The following CADM3 variants were observed in gnomAD, a reference collection of about 807,000 sequenced individuals.
The protein encoded by CADM3 is cell adhesion molecule 3.
Under a neutral mutation model 44.9 loss-of-function variants are expected in CADM3, and 11 were observed. The ratio of observed to expected loss-of-function variants is 0.25; its 90% confidence interval spans 0.15 to 0.41. CADM3 has a LOEUF of 0.41. CADM3 is among the 10% of genes least tolerant of loss of function. The pLI, the probability that CADM3 is intolerant of heterozygous loss-of-function variation, is 1.00. For synonymous variants in CADM3, 207 were observed against 205.2 expected, an observed-to-expected ratio of 1.01 and a Z score of -0.08; for missense variants, 426 against 512.0, an observed-to-expected ratio of 0.83 and a Z score of 1.62.
chr1:159,203,176 T>C lies in CADM3; in HGVS notation c.*2254T>C, dbSNP rs1650305014. The C allele has an allele frequency of 1.3e-5, 2 of 152,704 alleles. No individual in the cohort carries two copies. The highest frequency in any genetic ancestry group is 4.8e-5 in the African/African-American group (2 of 41,440). 9.5% of individuals were successfully genotyped at this position (152,704 alleles called of 1,614,324 possible). A position where few individuals can be genotyped will look rare whatever the true frequency, so the allele number is the denominator to read the frequency against. ...GCCTCCTTTCTGGTCCTCTTGCTGC[T>C]GCTGGGATGTGTGTATGTGAGGGTC... On this transcript the variant is annotated 3_prime_UTR_variant, in exon 9 of 9. Coordinates refer to ENST00000368125, the MANE Select transcript of CADM3 (RefSeq NM_001127173.3).
In CADM3 at chr1:159,201,396, C is replaced by T; in HGVS notation, c.*474C>T. On this transcript the variant is annotated 3_prime_UTR_variant, in exon 9 of 9. Coordinates refer to ENST00000368125, the MANE Select transcript of CADM3 (RefSeq NM_001127173.3). ...CAACAGAGCAGCTTCCCAGACTTCT[C>T]CAGGAACCCAGAAACGGGATGGTTG... 6.6e-6 allele frequency: 1 copy of T among 152,470 alleles called. No homozygotes were observed. The highest frequency in any genetic ancestry group is 1.5e-5 in the Non-Finnish European group (1 of 68,198). 9.4% of individuals were successfully genotyped at this position (152,470 alleles called of 1,614,324 possible).
intron 1 of CADM3, among the ~76,000 whole-genome samples, chr1:159,183,510 G>C (rs1239949241): frequency 6.6e-6 from 1 of 152,220 alleles, no homozygotes; most frequent in East Asian, 1.9e-4. Flanking sequence ...GTGAGGTGGA[G>C]AGAAGGCCTA....
intron 1 of CADM3, among the ~76,000 whole-genome samples, chr1:159,188,403 G>T (rs762880898): frequency 6.6e-6 from 1 of 151,260 alleles, no homozygotes; most frequent in Non-Finnish European, 1.5e-5. Context: ...CTTCCTCAGG[G>T]ACCCTAAGCC....
At position 159,201,008 on chromosome 1, in the gene CADM3, G is replaced by T. The variant is rs1018537934; in HGVS notation, c.*86G>T. The T allele has an allele frequency of 6.9e-6, 6 of 874,548 alleles. No homozygotes were observed. The highest frequency in any genetic ancestry group is 3.1e-5 in the East Asian group (1 of 32,186). The allele number at this position is 874,548 out of a possible 1,614,324, so 54.2% of individuals were successfully genotyped here. A position where few individuals can be genotyped will look rare whatever the true frequency, so the allele number is the denominator to read the frequency against. On this transcript the variant is annotated 3_prime_UTR_variant, in exon 9 of 9. Coordinates refer to ENST00000368125, the MANE Select transcript of CADM3 (RefSeq NM_001127173.3). Reference sequence around the variant, plus strand: ...CAACCCGGACTTGTACAGAGCAACCGCAGGGCCGCCCCTCCCGCTTGCTCC... The same window carrying T: ...CAACCCGGACTTGTACAGAGCAACCTCAGGGCCGCCCCTCCCGCTTGCTCC...
rs372345467 is a variant in CADM3 at position 159,192,701 on chromosome 1, G to A, written c.353G>A (p.Arg118Gln). The A allele has an allele frequency of 2.6e-5, 42 of 1,613,840 alleles. No homozygotes were observed. Among genetic ancestry groups the A allele is most frequent in the South Asian group, 3.3e-5 (3 of 91,048 alleles). ...TGCTCAATCTTCACTATGCCTGTGC[G>A]AACTGCCAAGTCCCTCGTCACTGTG... ...YTCSIFTMPVRTAKSLVTVLG... is the reference protein window; with the variant it reads ...YTCSIFTMPVQTAKSLVTVLG... Residue 118 changes from arginine to glutamine, a missense_variant, in exon 3 of 9, where the codon CGA (arginine) becomes CAA (glutamine). Around this residue, in one of 2 missense-constraint regions of CADM3, gnomAD observed 362 missense variants for 474.6 expected, o/e 0.76. Coordinates refer to ENST00000368125, the MANE Select transcript of CADM3 (RefSeq NM_001127173.3).
In CADM3 at chr1:159,200,963, G is replaced by T; in HGVS notation, c.*41G>T. The T allele has an allele frequency of 6.9e-7, 1 of 1,455,218 alleles. No homozygotes were observed. The highest frequency in any genetic ancestry group is 1.3e-5 in the South Asian group (1 of 76,380). The allele number at this position is 1,455,218 out of a possible 1,614,324, so 90.1% of individuals were successfully genotyped here. A position where few individuals can be genotyped will look rare whatever the true frequency, so the allele number is the denominator to read the frequency against. ...TCCTGCGCCCCCCAGGGGCCCTGTG[G>T]GGACTGCTGGGGCCGTCACCAACCC... On this transcript the variant is annotated 3_prime_UTR_variant, in exon 9 of 9. Coordinates refer to ENST00000368125, the MANE Select transcript of CADM3 (RefSeq NM_001127173.3).
intron 1 of CADM3, among the ~76,000 whole-genome samples, chr1:159,174,679 G>C (rs1648953632): frequency 6.6e-6 from 1 of 152,210 alleles, no homozygotes. Flanking sequence ...CATGAGTGTT[G>C]TGGCTAGAAG....
At chr1:159,187,437 G>A (rs1193378700) in intron 1 of CADM3, among the ~76,000 whole-genome samples, 3 of 152,212 alleles carry the variant, frequency 2.0e-5, no homozygotes, top group African/African-American at 7.2e-5. Context: ...GGATTCTGGA[G>A]AGGTATGCTA....
intron 5 of CADM3, chr1:159,194,340 C>T (rs1235614013): frequency 4.3e-6 from 1 of 235,058 alleles, no homozygotes; most frequent in East Asian, 9.1e-5. Context: ...TCCAGTAAAA[C>T]TTTATTTACA....
intron 1 of CADM3, among the ~76,000 whole-genome samples, chr1:159,188,287 C>A (rs1216150259): frequency 1.3e-5 from 2 of 149,576 alleles, no homozygotes; most frequent in Non-Finnish European, 1.5e-5. Context: ...CCCTCTTTAT[C>A]CTGTACCCCT....
intron 1 of CADM3, among the ~76,000 whole-genome samples, chr1:159,183,885 A>G (rs1649326851): frequency 6.6e-6 from 1 of 152,176 alleles, no homozygotes; most frequent in African/African-American, 2.4e-5. Context: ...GGAAATTACA[A>G]AGTGACTTCA....
Position 159,186,625 on chromosome 1 carries a change from T to C in CADM3, c.89-5311T>C, listed in dbSNP as rs544489156. On this transcript the variant is annotated intron_variant, in intron 1 of 8. Transcript: ENST00000368125. The stretch of plus-strand genomic sequence containing the variant: ...GGTTATAATTTCTGCTACTTATCCA[T>C]GTTTCTGTTGATAGCATTATAATCA... Among the ~76,000 whole-genome samples the C allele has an allele frequency of 3.3e-5, 5 of 152,346 alleles. No individual in the cohort carries two copies. In the East Asian group the frequency reaches 7.7e-4, roughly 23 times the overall value.
intron 1 of CADM3, among the ~76,000 whole-genome samples, chr1:159,178,262 A>G (rs189087186): frequency 2.0e-5 from 3 of 152,368 alleles, no homozygotes; most frequent in South Asian, 4.1e-4. Flanking sequence ...TGTATACACT[A>G]TAAGTGTGGA....
rs1390256867 is a variant in CADM3 at position 159,197,164 on chromosome 1, G to A, written c.952+104G>A. ...TAACATCCCCAAACTGTGACGGGGAGTGGAGTAAAGGAAAACCAGCCCACC... is the reference window on the plus strand; with the variant it reads ...TAACATCCCCAAACTGTGACGGGGAATGGAGTAAAGGAAAACCAGCCCACC... On this transcript the variant is annotated intron_variant, in intron 7 of 8. Transcript: ENST00000368125. The A allele has an allele frequency of 1.3e-5, 17 of 1,278,956 alleles. No homozygotes were observed. In the Admixed American group the frequency reaches 1.6e-4, roughly 12 times the overall value. 79.2% of individuals were successfully genotyped at this position (1,278,956 alleles called of 1,614,324 possible).
At chr1:159,194,565 G>A (rs1451811820) in intron 5 of CADM3, 1 of 152,566 alleles carries the variant, frequency 6.6e-6, no homozygotes, top group African/African-American at 2.4e-5. Flanking sequence ...CTAAGTGAAA[G>A]AGATGAGCGT....
At chr1:159,184,759 TACTC>T (rs1176370187) in intron 1 of CADM3, among the ~76,000 whole-genome samples, 2 of 152,396 alleles carry the variant, frequency 1.3e-5, no homozygotes, top group African/African-American at 4.8e-5. Flanking sequence ...TTATTTGAGT[TACTC>T]ATTTATTTAT....
At chr1:159,172,762 G>A (rs1648866498) in intron 1 of CADM3, among the ~76,000 whole-genome samples, 1 of 152,088 alleles carries the variant, frequency 6.6e-6, no homozygotes, top group Admixed American at 6.5e-5. Flanking sequence ...GAAGGGAGTC[G>A]GGGGAGAAAG....
At chr1:159,199,666 T>G in intron 7 of CADM3, 85 bp from the exon 8 acceptor site, 1 of 1,581,494 alleles carries the variant, frequency 6.3e-7, no homozygotes. Flanking sequence ...TTCCCTGCTG[T>G]GTAAGACTAT....
intron 6 of CADM3, 130 bp downstream of exon 6, chr1:159,196,584 A>G: frequency 1.3e-6 from 1 of 758,078 alleles, no homozygotes; most frequent in Non-Finnish European, 2.2e-6. Flanking sequence ...ACTGTCCAAT[A>G]ATGTCCGCCT....
Sources: gnomAD v4.1 joint callset for allele counts (sites outside exome capture counted in the v4.1 genomes callset) on GRCh38, gnomAD v4.1.1 for gene constraint, gnomAD v4.1.1 regional missense constraint, MANE v1.5 for transcripts, NCBI Gene and HGNC (gene_info 2026-07-23, HGNC 2026-07-21) for gene names.